Variants in TMEM108 observed in about 807,000 individuals in gnomAD.
TMEM108 encodes the protein cancer/testis antigen 124.
TMEM108 carries 12 observed loss-of-function variants against 35.1 expected under a neutral mutation model. The observed-to-expected ratio is 0.34, with a 90% CI of 0.22 to 0.55. The LOEUF (loss-of-function observed/expected upper bound fraction) is 0.55, where lower values mean the gene tolerates loss of function less well. Among genes scored for constraint, TMEM108 ranks in the 20% least tolerant of loss-of-function variants. The pLI, the probability that TMEM108 is intolerant of heterozygous loss-of-function variation, is 0.89. For synonymous variants in TMEM108, 287 were observed against 308.6 expected, an observed-to-expected ratio of 0.93 and a Z score of 0.73; for missense variants, 680 against 753.3, an observed-to-expected ratio of 0.90 and a Z score of 1.14.
At chr3:133,180,751 T>C (rs1261272612) in intron 2 of TMEM108, among the ~76,000 whole-genome samples, 1 of 152,066 alleles carries the variant, frequency 6.6e-6, no homozygotes, top group Non-Finnish European at 1.5e-5. Context: ...TTGATAGTGA[T>C]TGTTGGAGCC....
At chr3:133,141,081 T>C (rs1389470656) in intron 2 of TMEM108, among the ~76,000 whole-genome samples, 1 of 152,140 alleles carries the variant, frequency 6.6e-6, no homozygotes, top group Non-Finnish European at 1.5e-5. Context: ...TCTAAATTAT[T>C]AAAATAAAGG....
chr3:133,105,566 C>A (rs914862219), intron 2 of TMEM108, among the ~76,000 whole-genome samples: 4 of 152,186 alleles, frequency 2.6e-5, no homozygotes, highest in Admixed American at 2.6e-4. Flanking sequence ...TCCTTCACTG[C>A]AGTACCTGGG....
At chr3:133,077,171 C>T (rs557331850) in intron 2 of TMEM108, among the ~76,000 whole-genome samples, 4 of 152,222 alleles carry the variant, frequency 2.6e-5, no homozygotes, top group East Asian at 1.9e-4. Flanking sequence ...GGTACCTGGC[C>T]GTTTGGGGCT....
intron 2 of TMEM108, among the ~76,000 whole-genome samples, chr3:133,163,930 C>T (rs1002125618): frequency 3.9e-5 from 6 of 152,170 alleles, no homozygotes; most frequent in Non-Finnish European, 8.8e-5. Context: ...CTGACAGCTA[C>T]TTGTCTCAGT....
At chr3:133,245,955 CTT>C (rs368590836) in intron 3 of TMEM108, among the ~76,000 whole-genome samples, 2 of 145,602 alleles carry the variant, frequency 1.4e-5, no homozygotes, top group Non-Finnish European at 1.5e-5. Flanking sequence ...TATTTGCTTT[CTT>C]TTTTTTTTTC....
intron 2 of TMEM108, among the ~76,000 whole-genome samples, chr3:133,159,175 G>A (rs192132263): frequency 1.6e-4 from 24 of 152,304 alleles, no homozygotes; most frequent in Admixed American, 8.5e-4. Context: ...TAAGGAAGTA[G>A]GCGAGCTGCT....
intron 3 of TMEM108, among the ~76,000 whole-genome samples, chr3:133,323,164 A>G (rs1230988325): frequency 2.0e-5 from 3 of 152,196 alleles, no homozygotes; most frequent in Admixed American, 6.5e-5. Context: ...AGCCAGAGCA[A>G]TCAGACAAGA....
chr3:133,166,333 G>A (rs945075635), intron 2 of TMEM108, among the ~76,000 whole-genome samples: 14 of 152,114 alleles, frequency 9.2e-5, no homozygotes, highest in Middle Eastern at 3.2e-3. Context: ...ACATGCACCC[G>A]TAAACTAAAA....
intron 3 of TMEM108, among the ~76,000 whole-genome samples, chr3:133,256,591 A>G (rs1946549675): frequency 1.3e-5 from 2 of 152,204 alleles, no homozygotes; most frequent in African/African-American, 4.8e-5. Flanking sequence ...TGGAAAATAT[A>G]TCAATTAACT....
At chr3:133,372,538 A>G (rs548203023) in intron 3 of TMEM108, among the ~76,000 whole-genome samples, 2 of 152,286 alleles carry the variant, frequency 1.3e-5, no homozygotes, top group South Asian at 4.1e-4. Flanking sequence ...AGGTGAATTC[A>G]TGTTGGCTGA....
intron 3 of TMEM108, among the ~76,000 whole-genome samples, chr3:133,311,244 G>C (rs1576448682): frequency 1.3e-5 from 2 of 152,134 alleles, no homozygotes; most frequent in Non-Finnish European, 2.9e-5. Flanking sequence ...TGTATTTCCT[G>C]AATTTGAAAG....
At chr3:133,105,519 G>A (rs1944138896) in intron 2 of TMEM108, among the ~76,000 whole-genome samples, 1 of 152,094 alleles carries the variant, frequency 6.6e-6, no homozygotes, top group African/African-American at 2.4e-5. Flanking sequence ...CTGTCTTAAA[G>A]TCAGCTCATT....
chr3:133,166,699 C>T (rs1305015457), intron 2 of TMEM108, among the ~76,000 whole-genome samples: 1 of 152,206 alleles, frequency 6.6e-6, no homozygotes, highest in African/African-American at 2.4e-5. Flanking sequence ...AGGAGTGAAG[C>T]TGCAGACCTG....
chr3:133,049,618 T>G (rs1404711921), intron 2 of TMEM108, among the ~76,000 whole-genome samples: 1 of 152,210 alleles, frequency 6.6e-6, no homozygotes, highest in African/African-American at 2.4e-5. Flanking sequence ...GGTATCTGTC[T>G]GCTACAGAAA....
Position 133,390,339 on chromosome 3 carries a change from T to G in TMEM108, c.1605+5T>G, listed in dbSNP as rs760362163. 5.0e-6 allele frequency: 8 copies of G among 1,613,894 alleles called. No homozygotes were observed. Among genetic ancestry groups the G allele is most frequent in the Non-Finnish European group, 6.8e-6 (8 of 1,179,960 alleles). On this transcript the variant is annotated splice_donor_5th_base_variant and intron_variant, in intron 5 of 5. Coordinates refer to ENST00000321871, the MANE Select transcript of TMEM108 (RefSeq NM_023943.4). ...CAGTCCCTTGAAACCTCTGAGGTAATGAGCTTGAAAGTGCTGGCCCCACTG... is the reference window on the plus strand; with the variant it reads ...CAGTCCCTTGAAACCTCTGAGGTAAGGAGCTTGAAAGTGCTGGCCCCACTG...
chr3:133,331,671 A>G (rs2071394829), intron 3 of TMEM108, among the ~76,000 whole-genome samples: 1 of 152,158 alleles, frequency 6.6e-6, no homozygotes, highest in South Asian at 2.1e-4. Flanking sequence ...ACTCCCAAGG[A>G]CCCGTACTGA....
intron 2 of TMEM108, among the ~76,000 whole-genome samples, chr3:133,085,804 A>G (rs1253719523): frequency 6.6e-6 from 1 of 151,790 alleles, no homozygotes; most frequent in Admixed American, 6.6e-5. Flanking sequence ...TTTAGATTGT[A>G]TGGATTTTAG....
intron 3 of TMEM108, among the ~76,000 whole-genome samples, chr3:133,276,503 C>T (rs909685449): frequency 6.6e-6 from 1 of 152,218 alleles, no homozygotes; most frequent in African/African-American, 2.4e-5. Flanking sequence ...GAAGGCTAAT[C>T]TAACAGGTGT....
At chr3:133,054,668 T>G (rs558490988) in intron 2 of TMEM108, among the ~76,000 whole-genome samples, 2 of 152,350 alleles carry the variant, frequency 1.3e-5, no homozygotes, top group East Asian at 3.9e-4. Context: ...GAGTGTGACT[T>G]TATAAGGGAA....
Sources: allele counts gnomAD v4.1 joint callset (sites outside exome capture counted in the v4.1 genomes callset), GRCh38; gene constraint gnomAD v4.1.1; transcripts MANE v1.5; gene names NCBI Gene and HGNC (gene_info 2026-07-23, HGNC 2026-07-21).